The following DLGAP2 variants were observed in gnomAD, a reference collection of about 807,000 sequenced individuals.
DLGAP2 encodes the protein disks large-associated protein 2.
DLGAP2 carries 26 observed loss-of-function variants against 100.3 expected under a neutral mutation model. The observed-to-expected ratio is 0.26, with a 90% CI of 0.19 to 0.36. The LOEUF (loss-of-function observed/expected upper bound fraction) is 0.36. Among genes scored for constraint, DLGAP2 ranks in the 10% least tolerant of loss-of-function variants. DLGAP2 has a pLI of 1.00. For missense variants in DLGAP2, 1,858 were observed against 1,453.2 expected (o/e 1.28, Z -4.53); for synonymous variants, 886 against 630.1 (o/e 1.41, Z -6.08).
intron 2 of DLGAP2, among the ~76,000 whole-genome samples, chr8:1,222,418 T>A (rs149035559): frequency 4.6e-5 from 7 of 152,134 alleles, no homozygotes; most frequent in African/African-American, 1.7e-4. Flanking sequence ...CCCATGGCTT[T>A]GTTCTCTGGC....
At chr8:951,750 G>A (rs921894426) in intron 2 of DLGAP2, among the ~76,000 whole-genome samples, 8 of 152,174 alleles carry the variant, frequency 5.3e-5, no homozygotes, top group East Asian at 1.9e-4. Flanking sequence ...CACCTGGGGC[G>A]TCATGCATTT....
At chr8:1,510,757 G>A (rs1298163956) in intron 4 of DLGAP2, among the ~76,000 whole-genome samples, 7 of 152,148 alleles carry the variant, frequency 4.6e-5, no homozygotes, top group Admixed American at 3.9e-4. Context: ...GACCTTTTGA[G>A]TATCCACACT....
At chr8:965,961 C>A (rs1323236412) in intron 2 of DLGAP2, among the ~76,000 whole-genome samples, 1 of 152,246 alleles carries the variant, frequency 6.6e-6, no homozygotes, top group Non-Finnish European at 1.5e-5. Flanking sequence ...TGCAAGCAGC[C>A]AGGTACCCTT....
chr8:1,491,077 CA>C (rs386411871), intron 3 of DLGAP2, among the ~76,000 whole-genome samples: 10,977 of 64,726 alleles, frequency 0.17, 2,032 homozygotes, highest in African/African-American at 0.44. Flanking sequence ...AACTGGAAAC[CA>C]AAAAAAAAAA....
At position 1,678,512 on chromosome 8, in the gene DLGAP2, C is replaced by A. The variant is rs1229439807; in HGVS notation, c.2587C>A (p.Pro863Thr). The change falls in exon 12 of 15, where the codon CCG becomes ACG. Residue 863 changes from proline to threonine, a missense_variant. Transcript: ENST00000637795. The stretch of plus-strand genomic sequence containing the variant: ...CACGGTAGAGACTGGGAGGATGTCT[C>A]CGTGCCGCAGGGATGGCTCGTGGTT... ...IDTVETGRMS[P>T]CRRDGSWFLK... 20 of 1,609,770 alleles carry A rather than the reference C, an allele frequency of 1.2e-5. No homozygotes were observed. Among genetic ancestry groups the A allele is most frequent in the Non-Finnish European group, 1.6e-5 (19 of 1,178,078 alleles).
chr8:1,101,724 G>A (rs1007529146), intron 2 of DLGAP2, among the ~76,000 whole-genome samples: 17 of 123,738 alleles, frequency 1.4e-4, no homozygotes, highest in Admixed American at 3.3e-4. Flanking sequence ...AGCCGAACAC[G>A]ACACGACGAT....
At chr8:916,054 C>A (rs1255037561) in intron 2 of DLGAP2, among the ~76,000 whole-genome samples, 2 of 142,700 alleles carry the variant, frequency 1.4e-5, no homozygotes, top group Non-Finnish European at 3.0e-5. Context: ...TCTCTTTTTT[C>A]TGTCTGTCCG....
At position 1,565,920 on chromosome 8, in the gene DLGAP2, C is replaced by T. The variant is rs954336931; in HGVS notation, c.1442+26C>T. 11 of 1,555,262 alleles carry T rather than the reference C, an allele frequency of 7.1e-6. No homozygotes were observed. In the African/African-American group the frequency reaches 1.4e-4, roughly 19 times the overall value. On this transcript the variant is annotated intron_variant, in intron 6 of 14. Transcript: ENST00000637795. ...GTAAGTGAGACCAGCTGCCTTCCCA[C>T]TCCAAGCACTTTCCCACTGCCTGCG...
chr8:1,648,965 G>A (rs373420193), intron 8 of DLGAP2, among the ~76,000 whole-genome samples: 34 of 152,258 alleles, frequency 2.2e-4, no homozygotes, highest in Admixed American at 4.6e-4. Flanking sequence ...GAGTGCAGGC[G>A]TTTCCCAGAT....
intron 1 of DLGAP2, among the ~76,000 whole-genome samples, chr8:788,170 A>G (rs980565493): frequency 2.6e-5 from 4 of 152,244 alleles, no homozygotes; most frequent in African/African-American, 9.6e-5. Context: ...TGGGTGAAGG[A>G]TGAAGCTGGT....
intron 3 of DLGAP2, among the ~76,000 whole-genome samples, chr8:1,379,086 A>G (rs753348102): frequency 8.5e-5 from 13 of 152,286 alleles, no homozygotes; most frequent in Non-Finnish European, 1.9e-4. Context: ...GTTAGCTTCT[A>G]TGGCTACAAG....
chr8:989,450 G>A (rs925695707), intron 2 of DLGAP2, among the ~76,000 whole-genome samples: 1 of 152,096 alleles, frequency 6.6e-6, no homozygotes, highest in South Asian at 2.1e-4. Flanking sequence ...TGTCCTGGGC[G>A]GCTTCACTTC....
At chr8:1,431,792 C>A (rs932336482) in intron 3 of DLGAP2, among the ~76,000 whole-genome samples, 3 of 152,234 alleles carry the variant, frequency 2.0e-5, no homozygotes, top group Admixed American at 6.5e-5. Flanking sequence ...AATGAAGACA[C>A]TGATGCGTGC....
At chr8:1,197,042 A>G (rs1488239610) in intron 2 of DLGAP2, among the ~76,000 whole-genome samples, 1 of 152,130 alleles carries the variant, frequency 6.6e-6, no homozygotes, top group South Asian at 2.1e-4. Context: ...TCAGGAGGAG[A>G]TGGAGGCCTC....
At chr8:1,602,006 G>C (rs1255704162) in intron 6 of DLGAP2, among the ~76,000 whole-genome samples, 2 of 149,430 alleles carry the variant, frequency 1.3e-5, no homozygotes, top group Admixed American at 6.7e-5. Context: ...CTTCTTGCTT[G>C]TGGGGGCCTC....
intron 2 of DLGAP2, among the ~76,000 whole-genome samples, chr8:987,948 G>T (rs566351481): frequency 2.6e-5 from 4 of 152,294 alleles, no homozygotes; most frequent in African/African-American, 9.6e-5. Context: ...AAGGAGATCA[G>T]TGCTTCTCTG....
At chr8:1,180,589 TGTC>T (rs74275084) in intron 2 of DLGAP2, among the ~76,000 whole-genome samples, 19,474 of 151,466 alleles carry the variant, frequency 0.13, 1,362 homozygotes, top group East Asian at 0.24. Context: ...GGCAGCACAC[TGTC>T]GAGTGTGTGT....
chr8:851,249 A>G (rs180958192), intron 1 of DLGAP2, among the ~76,000 whole-genome samples: 5 of 152,336 alleles, frequency 3.3e-5, no homozygotes, highest in Admixed American at 3.3e-4. Context: ...GGGGTGTGGT[A>G]GAACGCACCA....
chr8:1,616,795 T>G (rs1797168347), intron 6 of DLGAP2, among the ~76,000 whole-genome samples: 2 of 17,796 alleles, frequency 1.1e-4, no homozygotes. Flanking sequence ...TTAGGTAAAC[T>G]CACGTCATGT....
Sources: allele counts gnomAD v4.1 joint callset (sites outside exome capture counted in the v4.1 genomes callset), GRCh38; gene constraint gnomAD v4.1.1; transcripts MANE v1.5; gene names NCBI Gene and HGNC (gene_info 2026-07-23, HGNC 2026-07-21).